Variants in EPHA5 observed in about 807,000 individuals in gnomAD.
EPHA5 encodes the protein EPH receptor A5, also known as ephrin type-A receptor 5.
A neutral mutation model predicts 105.0 loss-of-function variants in EPHA5; 60 were observed. The ratio of observed to expected loss-of-function variants is 0.57; its 90% CI spans 0.46 to 0.71. EPHA5 has a LOEUF of 0.71. Among genes scored for constraint, EPHA5 ranks in the 30% least tolerant of loss-of-function variants. EPHA5 has a pLI of 0.00. For synonymous variants in EPHA5, 513 were observed against 449.1 expected (o/e 1.14, Z -1.80); for missense variants, 1,218 against 1,274.7 (o/e 0.96, Z 0.68).
chr4:65,350,709 A>C (rs1316839733), intron 13 of EPHA5, among the ~76,000 whole-genome samples: 1 of 152,134 alleles, frequency 6.6e-6, no homozygotes, highest in African/African-American at 2.4e-5. Context: ...ATTATATACC[A>C]TATCAATACA....
chr4:65,492,541 A>C (rs1731514653), intron 4 of EPHA5, among the ~76,000 whole-genome samples: 1 of 56,796 alleles, frequency 1.8e-5, no homozygotes, highest in African/African-American at 6.4e-5. Context: ...ATCTTTGCAA[A>C]AAAAAAAAAA....
intron 6 of EPHA5, among the ~76,000 whole-genome samples, chr4:65,418,370 T>A (rs1443384387): frequency 6.6e-6 from 1 of 152,190 alleles, no homozygotes; most frequent in Non-Finnish European, 1.5e-5. Context: ...TGCTGTTTGT[T>A]ACTAGTAATC....
chr4:65,344,162 A>G (rs994956683), intron 14 of EPHA5, among the ~76,000 whole-genome samples: 10 of 152,144 alleles, frequency 6.6e-5, no homozygotes. Flanking sequence ...CACTTTGATT[A>G]TGGGATTGGC....
intron 3 of EPHA5, among the ~76,000 whole-genome samples, chr4:65,535,279 C>A (rs955618928): frequency 6.6e-6 from 1 of 152,088 alleles, no homozygotes; most frequent in Non-Finnish European, 1.5e-5. Flanking sequence ...TCATGATTAA[C>A]GATCCCCATT....
At chr4:65,613,181 C>T (rs1487940563) in intron 2 of EPHA5, among the ~76,000 whole-genome samples, 1 of 151,972 alleles carries the variant, frequency 6.6e-6, no homozygotes, top group Non-Finnish European at 1.5e-5. Flanking sequence ...GATCGGTTGG[C>T]TGTAGGTCTG....
intron 3 of EPHA5, among the ~76,000 whole-genome samples, chr4:65,554,981 CAAAAAA>C (rs71205383): frequency 2.2e-5 from 2 of 92,576 alleles, no homozygotes; most frequent in African/African-American, 4.1e-5. Context: ...TATACAACAG[CAAAAAA>C]AAAAAAAAAA....
chr4:65,668,634 G>A (rs563899289), intron 1 of EPHA5, among the ~76,000 whole-genome samples: 160 of 152,140 alleles, frequency 1.1e-3, no homozygotes, highest in African/African-American at 3.5e-3. Flanking sequence ...GCACTGTTCC[G>A]GGAGCACGAA....
chr4:65,656,944 C>T (rs907504964), intron 1 of EPHA5, among the ~76,000 whole-genome samples: 1 of 132,792 alleles, frequency 7.5e-6, no homozygotes, highest in Admixed American at 8.4e-5. Context: ...TAAATGAAAA[C>T]GTGTGTGTGT....
At chr4:65,330,315 G>A (rs1560415575) in intron 16 of EPHA5, among the ~76,000 whole-genome samples, 1 of 150,954 alleles carries the variant, frequency 6.6e-6, no homozygotes, top group Non-Finnish European at 1.5e-5. Flanking sequence ...GAGCATTTGG[G>A]GATAGAGGAG....
chr4:65,439,623 A>G (rs1725822830), intron 5 of EPHA5, among the ~76,000 whole-genome samples: 2 of 152,158 alleles, frequency 1.3e-5, no homozygotes, highest in Admixed American at 6.6e-5. Context: ...TCCATGAATC[A>G]ACAATTAAGT....
chr4:65,441,131 T>C (rs990188985), intron 5 of EPHA5, among the ~76,000 whole-genome samples: 2 of 152,132 alleles, frequency 1.3e-5, no homozygotes, highest in South Asian at 4.1e-4. Context: ...ATTAATTTTC[T>C]AATAACTTCA....
intron 11 of EPHA5, among the ~76,000 whole-genome samples, chr4:65,359,023 A>G (rs369789440): frequency 1.3e-5 from 2 of 151,654 alleles, no homozygotes; most frequent in Admixed American, 1.3e-4. Flanking sequence ...AGAATCTAAA[A>G]ATGATCAACT....
chr4:65,638,468 T>C (rs1369716442), intron 2 of EPHA5, among the ~76,000 whole-genome samples: 1 of 152,176 alleles, frequency 6.6e-6, no homozygotes, highest in Non-Finnish European at 1.5e-5. Flanking sequence ...CTGGGCACGG[T>C]GGCTCATGCC....
chr4:65,529,878 G>A (rs994253132), intron 3 of EPHA5, among the ~76,000 whole-genome samples: 29 of 152,084 alleles, frequency 1.9e-4, no homozygotes, highest in African/African-American at 6.5e-4. Flanking sequence ...CCATTAGAAA[G>A]CAATATTTTC....
chr4:65,634,788 C>T lies in EPHA5; in HGVS notation c.246+8575G>A, dbSNP rs73227781. On this transcript the variant is annotated intron_variant, in intron 2 of 16. Transcript: ENST00000613740. Reference sequence around the variant, plus strand: ...AGCATTACTTTAATCTTTATTAGCCCCTTCATGCTCAGTGTGGGCTTCTGT... The same window carrying T: ...AGCATTACTTTAATCTTTATTAGCCTCTTCATGCTCAGTGTGGGCTTCTGT... Among the ~76,000 whole-genome samples the T allele has an allele frequency of 9.0e-3, 1,369 of 151,926 alleles. 19 individuals are homozygous for T. The highest frequency in any genetic ancestry group is 0.032 in the African/African-American group (1,308 of 41,456).
chr4:65,547,426 T>C (rs1438164297), intron 3 of EPHA5, among the ~76,000 whole-genome samples: 1 of 151,820 alleles, frequency 6.6e-6, no homozygotes, highest in Non-Finnish European at 1.5e-5. Flanking sequence ...GGTCAGTCAA[T>C]ATACATTGAC....
intron 13 of EPHA5, 62 bp downstream of exon 13, chr4:65,351,327 A>G: frequency 1.4e-6 from 2 of 1,445,978 alleles, no homozygotes; most frequent in Middle Eastern, 1.8e-4. Flanking sequence ...TATTTCTTTC[A>G]GAATCTTTAA....
chr4:65,567,880 C>A (rs1006671175), intron 3 of EPHA5, among the ~76,000 whole-genome samples: 1 of 151,432 alleles, frequency 6.6e-6, no homozygotes, highest in African/African-American at 2.4e-5. Context: ...TTAGTCTGAT[C>A]CTCCTGTTTA....
At chr4:65,397,235 G>A (rs764155312) in intron 8 of EPHA5, among the ~76,000 whole-genome samples, 1 of 152,162 alleles carries the variant, frequency 6.6e-6, no homozygotes, top group Middle Eastern at 3.2e-3. Flanking sequence ...AGGGAGAAAG[G>A]TGGACCTCCT....
Sources: gnomAD v4.1 joint callset for allele counts (sites outside exome capture counted in the v4.1 genomes callset) on GRCh38, gnomAD v4.1.1 for gene constraint, MANE v1.5 for transcripts, NCBI Gene and HGNC (gene_info 2026-07-23, HGNC 2026-07-21) for gene names.